PRKG1: variants seen among roughly 807,000 people sequenced by gnomAD.
PRKG1 encodes the protein protein kinase cGMP-dependent 1.
In PRKG1, 35 loss-of-function variants were observed where a neutral mutation model predicts 88.1. That is an observed-to-expected ratio of 0.40 (90% CI 0.30 to 0.53). The LOEUF (loss-of-function observed/expected upper bound fraction) is 0.53. Among genes scored for constraint, PRKG1 ranks in the 20% least tolerant of loss-of-function variants. The pLI is 0.59. For missense variants in PRKG1, 540 were observed against 839.8 expected, an observed-to-expected ratio of 0.64 and a Z score of 4.41; for synonymous variants, 303 against 292.5, an observed-to-expected ratio of 1.04 and a Z score of -0.37.
intron 1 of PRKG1, among the ~76,000 whole-genome samples, chr10:51,078,590 A>ATATTTATTTATT (rs35676352): frequency 8.7e-5 from 12 of 137,282 alleles, no homozygotes; most frequent in African/African-American, 1.1e-4. Context: ...ATATTTATTT[A>ATATTTATTTATT]TATTTATTTA....
chr10:51,359,007 T>C (rs1842424454), intron 2 of PRKG1, among the ~76,000 whole-genome samples: 1 of 151,702 alleles, frequency 6.6e-6, no homozygotes, highest in Non-Finnish European at 1.5e-5. Context: ...AAGTCTAATT[T>C]AGATCTGTTG....
At chr10:51,188,064 T>C (rs1372827193) in intron 2 of PRKG1, among the ~76,000 whole-genome samples, 15 of 152,012 alleles carry the variant, frequency 9.9e-5, no homozygotes, top group Non-Finnish European at 1.5e-5. Flanking sequence ...ATTAGGAGTA[T>C]AGAATTTTCC....
intron 1 of PRKG1, among the ~76,000 whole-genome samples, chr10:51,011,448 G>T (rs1842993058): frequency 6.6e-6 from 1 of 152,038 alleles, no homozygotes; most frequent in South Asian, 2.1e-4. Flanking sequence ...GTTTAACGAA[G>T]AATTAATGGA....
At chr10:51,239,502 GT>G (rs1035744918) in intron 2 of PRKG1, among the ~76,000 whole-genome samples, 9 of 152,084 alleles carry the variant, frequency 5.9e-5, no homozygotes, top group Non-Finnish European at 1.3e-4. Flanking sequence ...AGGCATTTAG[GT>G]TTTTTTGCAC....
chr10:51,624,471 A>G (rs1444763968), intron 3 of PRKG1, among the ~76,000 whole-genome samples: 1 of 152,214 alleles, frequency 6.6e-6, no homozygotes, highest in African/African-American at 2.4e-5. Flanking sequence ...TTTACTTCTT[A>G]TCACTGAAGC....
chr10:51,666,853 G>T (rs753487118), intron 3 of PRKG1, among the ~76,000 whole-genome samples: 21 of 151,974 alleles, frequency 1.4e-4, no homozygotes, highest in Non-Finnish European at 2.6e-4. Context: ...GGAGTGCAGT[G>T]GTTCAATCTC....
chr10:52,233,932 G>C lies in PRKG1; in HGVS notation c.1077-17638G>C, dbSNP rs1399314575. Among the ~76,000 whole-genome samples, 4 of 152,216 alleles carry C rather than the reference G, an allele frequency of 2.6e-5. No individual in the cohort carries two copies. In the South Asian group the frequency reaches 6.2e-4, roughly 24 times the overall value. Reference sequence around the variant, plus strand: ...TGTCCCTGCCTGACAGCTTTGAAGAGAGCAGTGGTTCTCCCAGCACGCAGC... The same window carrying C: ...TGTCCCTGCCTGACAGCTTTGAAGACAGCAGTGGTTCTCCCAGCACGCAGC... On this transcript the variant is annotated intron_variant, in intron 9 of 17. Coordinates refer to ENST00000373980, the MANE Select transcript of PRKG1 (RefSeq NM_006258.4).
intron 2 of PRKG1, among the ~76,000 whole-genome samples, chr10:51,235,637 C>G (rs1838966122): frequency 6.6e-6 from 1 of 152,082 alleles, no homozygotes. Context: ...AAATACAATT[C>G]TAGATGCTTA....
At chr10:51,755,866 C>A (rs1194116849) in intron 3 of PRKG1, among the ~76,000 whole-genome samples, 1 of 152,172 alleles carries the variant, frequency 6.6e-6, no homozygotes, top group East Asian at 1.9e-4. Context: ...AAGTGGCTAA[C>A]CATCTCCATG....
At chr10:51,055,550 G>A (rs188242903) in intron 1 of PRKG1, among the ~76,000 whole-genome samples, 112 of 151,788 alleles carry the variant, frequency 7.4e-4, no homozygotes, top group Non-Finnish European at 1.3e-3. Context: ...TGGTGAACAC[G>A]GTGAAACCCA....
chr10:51,446,037 A>C (rs73334450), intron 2 of PRKG1, among the ~76,000 whole-genome samples: 5,412 of 152,038 alleles, frequency 0.036, 316 homozygotes, highest in African/African-American at 0.12. Flanking sequence ...TCAATGGTGA[A>C]TGTTCATTAA....
intron 9 of PRKG1, among the ~76,000 whole-genome samples, chr10:52,217,440 C>T (rs1840141044): frequency 6.6e-6 from 1 of 151,944 alleles, no homozygotes; most frequent in African/African-American, 2.4e-5. Context: ...TCAAATGAAT[C>T]TCATAGTCTA....
At chr10:51,832,584 A>G (rs1339548272) in intron 4 of PRKG1, among the ~76,000 whole-genome samples, 1 of 152,142 alleles carries the variant, frequency 6.6e-6, no homozygotes, top group African/African-American at 2.4e-5. Flanking sequence ...AGGTATGATA[A>G]TTTTAGTTTC....
chr10:52,009,927 C>G (rs868079928), intron 5 of PRKG1, among the ~76,000 whole-genome samples: 112 of 152,200 alleles, frequency 7.4e-4, no homozygotes, highest in African/African-American at 2.6e-3. Context: ...GGGGAAAGGA[C>G]TCCCTATTCA....
intron 8 of PRKG1, among the ~76,000 whole-genome samples, chr10:52,151,190 G>C (rs73344926): frequency 0.03 from 4,483 of 151,880 alleles, 209 homozygotes; most frequent in African/African-American, 0.1. Flanking sequence ...AGGTACTAAG[G>C]GCCTAGTACC....
intron 3 of PRKG1, among the ~76,000 whole-genome samples, chr10:51,512,191 T>A (rs1420780016): frequency 1.4e-5 from 2 of 146,998 alleles, no homozygotes; most frequent in Non-Finnish European, 3.0e-5. Flanking sequence ...TTTTTTTTTT[T>A]AGTTTTTTTT....
intron 8 of PRKG1, among the ~76,000 whole-genome samples, chr10:52,150,539 T>C (rs1837884702): frequency 6.6e-6 from 1 of 152,198 alleles, no homozygotes; most frequent in South Asian, 2.1e-4. Flanking sequence ...TATATAAACA[T>C]TAATTTGTGA....
intron 5 of PRKG1, among the ~76,000 whole-genome samples, chr10:52,005,594 C>G (rs1482767910): frequency 6.6e-6 from 1 of 152,152 alleles, no homozygotes; most frequent in Non-Finnish European, 1.5e-5. Flanking sequence ...AGCACATGGA[C>G]AGTAACATGG....
At chr10:52,010,975 A>T (rs1466370604) in intron 5 of PRKG1, among the ~76,000 whole-genome samples, 2 of 152,204 alleles carry the variant, frequency 1.3e-5, no homozygotes, top group East Asian at 3.9e-4. Flanking sequence ...CAAATGTTCC[A>T]TATCTCCTTT....
Sources: allele counts gnomAD v4.1 joint callset (sites outside exome capture counted in the v4.1 genomes callset), GRCh38; gene constraint gnomAD v4.1.1; transcripts MANE v1.5; gene names NCBI Gene and HGNC (gene_info 2026-07-23, HGNC 2026-07-21).